Variants in ARSG observed in about 807,000 individuals in gnomAD.
ARSG encodes ASG.
A neutral mutation model predicts 50.5 loss-of-function variants in ARSG; 37 were observed. The ratio of observed to expected loss-of-function variants is 0.73; its 90% CI spans 0.56 to 0.96. ARSG has a LOEUF of 0.96. ARSG is among the 50% of genes least tolerant of loss of function. ARSG has a pLI of 0.00. For synonymous variants in ARSG, 225 were observed against 254.6 expected, an observed-to-expected ratio of 0.88 and a Z score of 1.11; for missense variants, 629 against 675.3, an observed-to-expected ratio of 0.93 and a Z score of 0.76.
rs202073915 is a variant in ARSG at position 68,407,598 on chromosome 17, G to GTT, written c.1303+6160_1303+6161dup. On this transcript the variant is annotated intron_variant, in intron 11 of 11. Transcript: ENST00000621439. ...CCTCCTTGGTTAGGTATATTCCTAA[G>GTT]TTTTTTTTTTTTTCAGCTATTGTAA... is the stretch of plus-strand genomic sequence containing the variant. Among the ~76,000 whole-genome samples, 6 of 144,332 alleles carry GTT rather than the reference G, an allele frequency of 4.2e-5. No individual in the cohort carries two copies. The East Asian group carries it at 1.0e-3, about 24-fold the overall frequency. 94.7% of individuals were successfully genotyped at this position (144,332 alleles called of 152,430 possible). A position where few individuals can be genotyped will look rare whatever the true frequency, so the allele number is the denominator to read the frequency against.
At chr17:68,352,512 C>CTTTTT (rs368506056) in intron 5 of ARSG, among the ~76,000 whole-genome samples, 1 of 139,770 alleles carries the variant, frequency 7.2e-6, no homozygotes, top group Non-Finnish European at 1.5e-5. Context: ...TTTTTTCTTT[C>CTTTTT]TTTTTTTTTT....
chr17:68,322,342 T>C (rs1321847835), intron 2 of ARSG, among the ~76,000 whole-genome samples: 20 of 152,138 alleles, frequency 1.3e-4, no homozygotes, highest in Admixed American at 6.6e-5. Context: ...AAATGTACGA[T>C]AGCTGGCCGG....
At chr17:68,446,865 G>A in the ARSG span, among the ~76,000 whole-genome samples, 2 of 152,144 alleles carry the variant, frequency 1.3e-5, no homozygotes, top group African/African-American at 2.4e-5. Flanking sequence ...CTGAATTTCA[G>A]GTCACCCTCA....
At chr17:68,431,340 T>A in the ARSG span, among the ~76,000 whole-genome samples, 1 of 152,070 alleles carries the variant, frequency 6.6e-6, no homozygotes, top group Non-Finnish European at 1.5e-5. Context: ...ACAGGGTTGC[T>A]GGGAGAACTA....
chr17:68,401,503 C>T, intron 11 of ARSG, 53 bp downstream of exon 11: 3 of 1,532,092 alleles, frequency 2.0e-6, no homozygotes, highest in African/African-American at 1.4e-5. Context: ...TGCACGGGGA[C>T]CCCATGGACT....
chr17:68,353,480 CT>C (rs927453097), intron 5 of ARSG, among the ~76,000 whole-genome samples: 1 of 152,106 alleles, frequency 6.6e-6, no homozygotes, highest in African/African-American at 2.4e-5. Flanking sequence ...CATCACTGCA[CT>C]TCACCCTGGG....
chr17:68,274,072 T>G, intron 1 of ARSG: 1 of 1,611,662 alleles, frequency 6.2e-7, no homozygotes, highest in Non-Finnish European at 8.5e-7. Flanking sequence ...CGAGGGGAGC[T>G]GCCGGGAAAG....
At chr17:68,368,403 A>G in intron 6 of ARSG, 145 bp from the exon 7 acceptor site, 1 of 680,928 alleles carries the variant, frequency 1.5e-6, no homozygotes, top group Non-Finnish European at 2.5e-6. Context: ...ATTTCCTTGG[A>G]AGATTCTGGA....
intron 1 of ARSG, among the ~76,000 whole-genome samples, chr17:68,300,348 A>G (rs1269110165): frequency 1.3e-5 from 2 of 152,216 alleles, no homozygotes; most frequent in African/African-American, 4.8e-5. Context: ...TTGAATTGAA[A>G]TGTTGGGTAA....
chr17:68,401,522 G>A (rs895384563), intron 11 of ARSG, 72 bp downstream of exon 11: 10 of 1,406,610 alleles, frequency 7.1e-6, no homozygotes, highest in Non-Finnish European at 9.9e-6. Flanking sequence ...CTCTCACCCA[G>A]GCCTCTGGGA....
At chr17:68,434,457 G>T in the ARSG span, 2 of 1,211,472 alleles carry the variant, frequency 1.7e-6, no homozygotes, top group Non-Finnish European at 2.3e-6. Flanking sequence ...GTGAGTGGAG[G>T]GCACAGAGCC....
chr17:68,305,507 C>T (rs2076573042), intron 1 of ARSG, among the ~76,000 whole-genome samples: 1 of 152,174 alleles, frequency 6.6e-6, no homozygotes, highest in Non-Finnish European at 1.5e-5. Flanking sequence ...ATAAAATCCA[C>T]AGCAGATTCA....
chr17:68,438,381 T>C, the ARSG span, among the ~76,000 whole-genome samples: 1 of 152,200 alleles, frequency 6.6e-6, no homozygotes, highest in African/African-American at 2.4e-5. Flanking sequence ...CAAATGAAAT[T>C]TCAAGAACAG....
intron 1 of ARSG, among the ~76,000 whole-genome samples, chr17:68,300,733 G>T (rs2076382881): frequency 6.6e-6 from 1 of 152,110 alleles, no homozygotes. Context: ...GTCTCAACAG[G>T]TGGTTCGAGC....
At chr17:68,293,517 TAG>T (rs1568427512) in intron 1 of ARSG, among the ~76,000 whole-genome samples, 4 of 151,294 alleles carry the variant, frequency 2.6e-5, no homozygotes, top group African/African-American at 9.8e-5. Context: ...ATAATAATAA[TAG>T]ATTTTTGTTA....
At chr17:68,390,787 CTAATT>C (rs1412392650) in intron 9 of ARSG, among the ~76,000 whole-genome samples, 3 of 152,022 alleles carry the variant, frequency 2.0e-5, no homozygotes, top group African/African-American at 7.3e-5. Flanking sequence ...CCATGCCTGG[CTAATT>C]TGTTTTGTAT....
intron 2 of ARSG, among the ~76,000 whole-genome samples, chr17:68,337,236 C>T (rs769329291): frequency 1.3e-5 from 2 of 152,004 alleles, no homozygotes; most frequent in Admixed American, 1.3e-4. Flanking sequence ...AAGAGATGTT[C>T]GGGAGGGGAG....
intron 2 of ARSG, among the ~76,000 whole-genome samples, chr17:68,309,584 G>T (rs1555765914): frequency 2.0e-5 from 3 of 152,156 alleles, no homozygotes; most frequent in Non-Finnish European, 4.4e-5. Context: ...AAGTAAATAG[G>T]CTGGGTGCAG....
intron 11 of ARSG, among the ~76,000 whole-genome samples, chr17:68,415,205 G>A (rs753844810): frequency 9.2e-5 from 14 of 152,000 alleles, no homozygotes; most frequent in Non-Finnish European, 1.8e-4. Context: ...GTATCCCAGA[G>A]GTTTTGATAG....
Sources: gnomAD v4.1 joint callset for allele counts (sites outside exome capture counted in the v4.1 genomes callset) on GRCh38, gnomAD v4.1.1 for gene constraint, MANE v1.5 for transcripts, NCBI Gene and HGNC (gene_info 2026-07-23, HGNC 2026-07-21) for gene names.